Variants in RNF19B observed in about 807,000 individuals in gnomAD.
RNF19B encodes ring finger protein 19B.
A neutral mutation model predicts 65.5 loss-of-function variants in RNF19B; 23 were observed. The observed-to-expected ratio is 0.35, with a 90% CI of 0.25 to 0.50. RNF19B has a LOEUF of 0.50. RNF19B is among the 20% of genes least tolerant of loss of function. The pLI is 0.98. For synonymous variants in RNF19B, 372 were observed against 379.6 expected, an observed-to-expected ratio of 0.98 and a Z score of 0.23; for missense variants, 794 against 980.0, an observed-to-expected ratio of 0.81 and a Z score of 2.53.
At chr1:32,935,362 C>T (rs1179231843), downstream of RNF19B, among the ~76,000 whole-genome samples, 1 of 152,090 alleles carries the variant, frequency 6.6e-6, no homozygotes, top group Non-Finnish European at 1.5e-5. Flanking sequence ...TGGTCTCGAA[C>T]TCCTGACCTC....
chr1:32,955,380 T>G (rs1642610816), intron 1 of RNF19B, among the ~76,000 whole-genome samples: 1 of 152,020 alleles, frequency 6.6e-6, no homozygotes, highest in Non-Finnish European at 1.5e-5. Flanking sequence ...TAAACCCACT[T>G]TAGTGGTAAA....
chr1:32,930,184 A>T, the RNF19B span, among the ~76,000 whole-genome samples: 29 of 152,082 alleles, frequency 1.9e-4, no homozygotes, highest in Non-Finnish European at 2.9e-4. Flanking sequence ...ATCTCAGCTC[A>T]CTGCAACCTC....
chr1:32,949,904 A>T, intron 1 of RNF19B, 130 bp from the exon 2 acceptor site: 2 of 637,064 alleles, frequency 3.1e-6, no homozygotes, highest in Non-Finnish European at 5.5e-6. Flanking sequence ...AAGAATACAC[A>T]TACACACATA....
chr1:32,946,990 T>C (rs1317796798), intron 3 of RNF19B, among the ~76,000 whole-genome samples: 4 of 152,362 alleles, frequency 2.6e-5, no homozygotes, highest in Admixed American at 6.5e-5. Flanking sequence ...ACCTAATAGA[T>C]ACTGCAAACC....
chr1:32,946,781 C>T (rs1400869522), intron 3 of RNF19B, among the ~76,000 whole-genome samples: 2 of 152,196 alleles, frequency 1.3e-5, no homozygotes, highest in Non-Finnish European at 2.9e-5. Context: ...AGACAGGCTT[C>T]CAGACTTGAA....
Position 32,964,623 on chromosome 1 carries a change from G to A in RNF19B, c.63C>T (p.Asp21=), listed in dbSNP as rs1221030850. ...RSTSLHAAAP[D]PKCRSGGRRR... Reference sequence around the variant, plus strand: ...GCCGGCCGCCGCTGCGGCACTTAGGGTCGGGTGCGGCCGCATGTAGCGATG... The same window carrying A: ...GCCGGCCGCCGCTGCGGCACTTAGGATCGGGTGCGGCCGCATGTAGCGATG... The change falls in exon 1 of 9, where the codon GAC becomes GAT. Residue 21 remains aspartate, a synonymous_variant. Coordinates refer to ENST00000235150, the MANE Select transcript of RNF19B (RefSeq NM_001300826.2). This position sits in a 1 kb window ranked among gnomAD's most constrained non-coding sequence, Gnocchi z 6.5. The A allele has an allele frequency of 4.1e-6, 6 of 1,471,306 alleles. No homozygotes were observed. The highest frequency in any genetic ancestry group is 5.4e-6 in the Non-Finnish European group (6 of 1,115,256). The allele number at this position is 1,471,306 out of a possible 1,614,324, so 91.1% of individuals were successfully genotyped here.
At chr1:32,935,132 T>C (rs747674056), downstream of RNF19B, among the ~76,000 whole-genome samples, 47 of 149,122 alleles carry the variant, frequency 3.2e-4, no homozygotes, top group Non-Finnish European at 1.0e-4. Context: ...GCCCAGCCCA[T>C]TATTTTATTT....
intron 5 of RNF19B, among the ~76,000 whole-genome samples, chr1:32,945,056 A>G (rs904010969): frequency 3.3e-5 from 5 of 152,186 alleles, no homozygotes; most frequent in African/African-American, 1.2e-4. Context: ...ATAAATTAAT[A>G]TATGCAAAAG....
intron 6 of RNF19B, among the ~76,000 whole-genome samples, chr1:32,943,487 G>A (rs371831802): frequency 6.6e-6 from 1 of 151,872 alleles, no homozygotes; most frequent in African/African-American, 2.4e-5. Context: ...GTGGTGGCAC[G>A]TTGCTGTAGT....
intron 8 of RNF19B, among the ~76,000 whole-genome samples, chr1:32,938,153 A>G (rs1407279566): frequency 6.6e-6 from 1 of 151,084 alleles, no homozygotes; most frequent in Middle Eastern, 3.2e-3. Context: ...AAAAAAAAAA[A>G]AAAAAAAGAA....
intron 1 of RNF19B, among the ~76,000 whole-genome samples, chr1:32,959,491 T>A (rs1333037610): frequency 6.6e-6 from 1 of 152,198 alleles, no homozygotes; most frequent in Non-Finnish European, 1.5e-5. Flanking sequence ...GCGTAAAAGA[T>A]CAATTGTACC....
downstream of RNF19B, among the ~76,000 whole-genome samples, chr1:32,933,416 G>A (rs1275690700): frequency 2.6e-5 from 4 of 152,026 alleles, no homozygotes; most frequent in Admixed American, 2.0e-4. Flanking sequence ...CACTACGCCC[G>A]GCTAATTTTG....
chr1:32,942,861 C>A (rs1260189507), intron 6 of RNF19B, among the ~76,000 whole-genome samples: 1 of 152,186 alleles, frequency 6.6e-6, no homozygotes, highest in Non-Finnish European at 1.5e-5. Context: ...GAAAAACCGG[C>A]CGGGCGCGGT....
At chr1:32,956,035 G>C (rs542036778) in intron 1 of RNF19B, among the ~76,000 whole-genome samples, 2 of 152,260 alleles carry the variant, frequency 1.3e-5, no homozygotes, top group Admixed American at 6.5e-5. Flanking sequence ...TTCAAGACCA[G>C]CCAGGGCAAC....
At chr1:32,952,178 C>A (rs912861930) in intron 1 of RNF19B, among the ~76,000 whole-genome samples, 7 of 151,752 alleles carry the variant, frequency 4.6e-5, no homozygotes, top group Non-Finnish European at 1.0e-4. Context: ...TGTTCATTTA[C>A]CAAGAATTAG....
chr1:32,964,184 C>G lies in RNF19B; in HGVS notation c.502G>C (p.Glu168Gln). The G allele has an allele frequency of 6.5e-7, 1 of 1,546,294 alleles. No individual in the cohort carries two copies. The highest frequency in any genetic ancestry group is 8.7e-7 in the Non-Finnish European group (1 of 1,145,162). The change falls in exon 1 of 9, where the codon GAG becomes CAG. Residue 168 changes from glutamate (E) to glutamine (Q), a missense_variant. Physicochemically the swap from Glu to Gln is conservative, Grantham distance 29. Transcript: ENST00000235150. The surrounding 1 kb of genome is among the most constrained non-coding windows in gnomAD (Gnocchi z 6.5). ...RVPISCPECS[E>Q]RLNPHDIRLL... ...CGGATGTCGTGCGGGTTGAGTCGCTCGCTGCACTCGGGGCAGCTGATGGGC... is the reference window on the plus strand; with the variant it reads ...CGGATGTCGTGCGGGTTGAGTCGCTGGCTGCACTCGGGGCAGCTGATGGGC...
At chr1:32,945,997 G>A (rs1305348455) in intron 4 of RNF19B, among the ~76,000 whole-genome samples, 1 of 151,958 alleles carries the variant, frequency 6.6e-6, no homozygotes, top group Non-Finnish European at 1.5e-5. Flanking sequence ...CCTAGTAGCT[G>A]GGACTGTAGG....
chr1:32,938,156 A>AG (rs1392885748), intron 8 of RNF19B, among the ~76,000 whole-genome samples: 28 of 151,120 alleles, frequency 1.9e-4, no homozygotes, highest in Admixed American at 8.6e-4. Flanking sequence ...AAAAAAAAAA[A>AG]AAAAGAAAAA....
At chr1:32,951,002 G>C (rs998337340) in intron 1 of RNF19B, among the ~76,000 whole-genome samples, 4 of 152,006 alleles carry the variant, frequency 2.6e-5, no homozygotes, top group African/African-American at 9.7e-5. Flanking sequence ...ACCATGCGCA[G>C]CTAATTTTTG....
Sources: gnomAD v4.1 joint callset for allele counts (sites outside exome capture counted in the v4.1 genomes callset) on GRCh38, gnomAD v4.1.1 for gene constraint, Gnocchi (gnomAD v3.1) non-coding constraint, MANE v1.5 for transcripts, NCBI Gene and HGNC (gene_info 2026-07-23, HGNC 2026-07-21) for gene names.